Variants in DGKI observed in about 807,000 individuals in gnomAD.
The protein encoded by DGKI is DAG kinase iota.
In DGKI, 55 loss-of-function variants were observed where a neutral mutation model predicts 147.5. The observed-to-expected ratio is 0.37, with a 90% CI of 0.30 to 0.47. DGKI has a LOEUF of 0.47. Ranked by LOEUF, DGKI falls within the 20% of genes least tolerant of loss-of-function variation. The probability of loss-of-function intolerance (pLI) is 1.00; values close to 1 mark genes in which losing one functional copy is unlikely to be tolerated. For missense variants in DGKI, 1,007 were observed against 1,323.8 expected, an observed-to-expected ratio of 0.76 and a Z score of 3.71; for synonymous variants, 469 against 477.1, an observed-to-expected ratio of 0.98 and a Z score of 0.22.
At chr7:137,801,520 A>C (rs967048839) in intron 1 of DGKI, among the ~76,000 whole-genome samples, 3 of 152,242 alleles carry the variant, frequency 2.0e-5, no homozygotes, top group African/African-American at 7.2e-5. Flanking sequence ...ATTTTGAAAA[A>C]TTAAACATCA....
intron 2 of DGKI, 100 bp from the exon 3 acceptor site, chr7:137,678,752 A>T: frequency 9.7e-7 from 1 of 1,028,100 alleles, no homozygotes; most frequent in Non-Finnish European, 1.5e-6. Flanking sequence ...TAGTGAAACC[A>T]AGGAGTCTAA....
intron 1 of DGKI, among the ~76,000 whole-genome samples, chr7:137,812,482 G>A (rs6966928): frequency 2.6e-5 from 4 of 152,078 alleles, no homozygotes; most frequent in Non-Finnish European, 5.9e-5. Context: ...AGGACAGTAA[G>A]GTGCCAAGGC....
chr7:137,730,540 T>G (rs755150034), intron 1 of DGKI, among the ~76,000 whole-genome samples: 3 of 152,106 alleles, frequency 2.0e-5, no homozygotes, highest in Non-Finnish European at 4.4e-5. Flanking sequence ...AAAATATGAA[T>G]GCCATTTCTC....
intron 21 of DGKI, among the ~76,000 whole-genome samples, chr7:137,515,199 G>T (rs1816708903): frequency 6.6e-6 from 1 of 152,148 alleles, no homozygotes; most frequent in African/African-American, 2.4e-5. Context: ...CACTTCTTCA[G>T]AAAGTCTCTT....
At chr7:137,465,714 G>A (rs1814627411) in intron 26 of DGKI, among the ~76,000 whole-genome samples, 194 bp downstream of exon 26, 1 of 152,196 alleles carries the variant, frequency 6.6e-6, no homozygotes, top group Non-Finnish European at 1.5e-5. Context: ...CTTGGACATG[G>A]TGTAAATCTG....
At chr7:137,638,458 ATATG>A (rs1269870441) in intron 6 of DGKI, among the ~76,000 whole-genome samples, 11 of 121,588 alleles carry the variant, frequency 9.0e-5, no homozygotes, top group East Asian at 5.1e-4. Context: ...ACACACATAT[ATATG>A]TGTGTATATA....
intron 19 of DGKI, among the ~76,000 whole-genome samples, chr7:137,556,132 T>C (rs1818215230): frequency 6.6e-6 from 1 of 152,024 alleles, no homozygotes; most frequent in African/African-American, 2.4e-5. Context: ...CACATTATCA[T>C]CTCAAAAGAT....
chr7:137,828,844 T>C (rs1798138411), intron 1 of DGKI, among the ~76,000 whole-genome samples: 1 of 152,160 alleles, frequency 6.6e-6, no homozygotes, highest in Admixed American at 6.5e-5. Context: ...TTACAATAAA[T>C]ATTTATTTAA....
intron 9 of DGKI, 102 bp downstream of exon 9, chr7:137,609,433 G>A (rs1820290953): frequency 6.0e-6 from 5 of 830,948 alleles, no homozygotes; most frequent in Non-Finnish European, 7.9e-6. Context: ...AGCAGTAGTA[G>A]AAGATAGATC....
At chr7:137,657,610 T>C (rs757065606) in intron 3 of DGKI, among the ~76,000 whole-genome samples, 2 of 152,090 alleles carry the variant, frequency 1.3e-5, no homozygotes, top group Admixed American at 6.5e-5. Flanking sequence ...CTGAAAGAAA[T>C]GTACTATAAC....
chr7:137,719,953 CCCT>C (rs1404013766), intron 1 of DGKI, among the ~76,000 whole-genome samples: 2 of 152,084 alleles, frequency 1.3e-5, no homozygotes, highest in African/African-American at 4.8e-5. Context: ...GAAGCCTGAC[CCCT>C]CTCAAAACAG....
Position 137,384,916 on chromosome 7 carries a change from T to TC in DGKI, c.*6303dup, listed in dbSNP as rs1811141297. 1 of 152,132 alleles carries TC rather than the reference T, an allele frequency of 6.6e-6. No homozygotes were observed. Among genetic ancestry groups the TC allele is most frequent in the African/African-American group, 2.4e-5 (1 of 41,440 alleles). 9.4% of individuals were successfully genotyped at this position (152,132 alleles called of 1,614,324 possible). Reference sequence around the variant, plus strand: ...AAACTTGGATCACTATTTTCTTATTTCCATGGGTAGGACCTCCCTTGTGGT... The same window carrying TC: ...AAACTTGGATCACTATTTTCTTATTTCCCATGGGTAGGACCTCCCTTGTGGT... On this transcript the variant is annotated 3_prime_UTR_variant, in exon 33 of 33. Coordinates refer to ENST00000614521, the MANE Select transcript of DGKI (RefSeq NM_001321708.2).
intron 10 of DGKI, 53 bp from the exon 11 acceptor site, chr7:137,599,958 A>C: frequency 1.4e-5 from 19 of 1,382,238 alleles, no homozygotes; most frequent in Non-Finnish European, 1.9e-5. Flanking sequence ...TTTCCCAAGA[A>C]TAACTGCTCA....
At chr7:137,685,274 T>C (rs1823377086) in intron 2 of DGKI, among the ~76,000 whole-genome samples, 1 of 152,114 alleles carries the variant, frequency 6.6e-6, no homozygotes, top group Admixed American at 6.6e-5. Context: ...GAAAACAAAA[T>C]AAAATCAAGG....
At chr7:137,514,810 T>A (rs1816698243) in intron 21 of DGKI, among the ~76,000 whole-genome samples, 1 of 152,190 alleles carries the variant, frequency 6.6e-6, no homozygotes, top group East Asian at 1.9e-4. Context: ...ACCTGGAGTA[T>A]CACATTAGCC....
At chr7:137,534,246 A>G (rs1817442297) in intron 20 of DGKI, among the ~76,000 whole-genome samples, 1 of 152,146 alleles carries the variant, frequency 6.6e-6, no homozygotes, top group Non-Finnish European at 1.5e-5. Context: ...GTACTGGAGT[A>G]AAAGTTGAAA....
chr7:137,499,375 C>T (rs1195357599), intron 21 of DGKI, among the ~76,000 whole-genome samples: 1 of 152,066 alleles, frequency 6.6e-6, no homozygotes, highest in East Asian at 1.9e-4. Context: ...GGCTAAGGGA[C>T]ACTCAGATAG....
intron 6 of DGKI, among the ~76,000 whole-genome samples, chr7:137,630,632 A>G (rs146464246): frequency 8.3e-4 from 127 of 152,378 alleles, no homozygotes; most frequent in African/African-American, 2.8e-3. Flanking sequence ...ATAGACACCT[A>G]TAACAATGGC....
chr7:137,666,317 C>T (rs565588033), intron 3 of DGKI, among the ~76,000 whole-genome samples: 14 of 152,298 alleles, frequency 9.2e-5, no homozygotes, highest in African/African-American at 3.1e-4. Flanking sequence ...GCAGTAGGAT[C>T]ACTTAAGCCC....
Sources: allele counts gnomAD v4.1 joint callset (sites outside exome capture counted in the v4.1 genomes callset), GRCh38; gene constraint gnomAD v4.1.1; transcripts MANE v1.5; gene names NCBI Gene and HGNC (gene_info 2026-07-23, HGNC 2026-07-21).